GREM2: variants seen among roughly 807,000 people sequenced by gnomAD.
The protein encoded by GREM2 is gremlin-2.
A neutral mutation model predicts 14.2 loss-of-function variants in GREM2; 11 were observed. The observed-to-expected ratio is 0.78, with a 90% CI of 0.49 to 1.28. The LOEUF (loss-of-function observed/expected upper bound fraction) is 1.28. Among genes scored for constraint, GREM2 ranks in the 50% most tolerant of loss-of-function variants. GREM2 has a pLI of 0.00. For missense variants in GREM2, 210 were observed against 218.5 expected, an observed-to-expected ratio of 0.96 and a Z score of 0.24; for synonymous variants, 98 against 97.6, an observed-to-expected ratio of 1.00 and a Z score of -0.02.
At chr1:240,570,662 T>TA (rs1294542479) in intron 1 of GREM2, among the ~76,000 whole-genome samples, 1 of 152,222 alleles carries the variant, frequency 6.6e-6, no homozygotes, top group African/African-American at 2.4e-5. Context: ...AGGCGGTCTT[T>TA]AAAGTGAGAA....
rs896187967 is a variant in GREM2 at position 240,598,770 on chromosome 1, T to C, written c.-2+13114A>G. Among the ~76,000 whole-genome samples the C allele has an allele frequency of 2.0e-5, 3 of 152,214 alleles. No homozygotes were observed. In the South Asian group the frequency reaches 6.2e-4, roughly 31 times the overall value. The stretch of plus-strand genomic sequence containing the variant: ...CCTTAGGCATACTCTGCTTGATCTA[T>C]GCCCTGCACTGTGCTGCTTTCTCTT... On this transcript the variant is annotated intron_variant, in intron 1 of 1. Transcript: ENST00000318160.
intron 1 of GREM2, among the ~76,000 whole-genome samples, chr1:240,603,507 C>A (rs987206732): frequency 6.6e-6 from 1 of 152,086 alleles, no homozygotes; most frequent in African/African-American, 2.4e-5. Context: ...CATCTCCCAT[C>A]CATCTCCCAT....
intron 1 of GREM2, among the ~76,000 whole-genome samples, chr1:240,500,430 C>T (rs1465466659): frequency 2.0e-5 from 3 of 151,948 alleles, no homozygotes; most frequent in Non-Finnish European, 4.4e-5. Flanking sequence ...TCCCGAGTAA[C>T]TGGGACTACA....
chr1:240,507,440 C>T (rs1677703241), intron 1 of GREM2, among the ~76,000 whole-genome samples: 2 of 152,162 alleles, frequency 1.3e-5, no homozygotes, highest in Non-Finnish European at 2.9e-5. Context: ...AAGCGATTCT[C>T]CTGCCTCAGC....
intron 1 of GREM2, among the ~76,000 whole-genome samples, chr1:240,494,668 G>A (rs961849601): frequency 1.3e-5 from 2 of 152,010 alleles, no homozygotes; most frequent in African/African-American, 2.4e-5. Context: ...TTGGGAGGCC[G>A]AGGCAGGCGG....
rs539647917 is a variant in GREM2, at chr1:240,602,409, A to G, written c.-2+9475T>C. On this transcript the variant is annotated intron_variant, in intron 1 of 1. Coordinates refer to ENST00000318160, the MANE Select transcript of GREM2 (RefSeq NM_022469.4). ...AAATGGGGCCATTGGTTCTGTAACAATAGTGACCTCTACAGGGACATTTAT... is the reference window on the plus strand; with the variant it reads ...AAATGGGGCCATTGGTTCTGTAACAGTAGTGACCTCTACAGGGACATTTAT... Among the ~76,000 whole-genome samples, 18 of 152,328 alleles carry G rather than the reference A, an allele frequency of 1.2e-4. No homozygotes were observed. In the South Asian group the frequency reaches 3.7e-3, roughly 32 times the overall value.
intron 1 of GREM2, among the ~76,000 whole-genome samples, chr1:240,521,641 T>A (rs897568507): frequency 1.3e-5 from 2 of 151,976 alleles, no homozygotes; most frequent in African/African-American, 4.8e-5. Flanking sequence ...AATGGGGAAA[T>A]GGCAGGTGAA....
chr1:240,574,980 G>A (rs1347996236), intron 1 of GREM2, among the ~76,000 whole-genome samples: 2 of 151,930 alleles, frequency 1.3e-5, no homozygotes, highest in African/African-American at 2.4e-5. Flanking sequence ...GTTGGCGTGC[G>A]CCTGTACTCC....
chr1:240,538,498 T>C (rs1678522103), intron 1 of GREM2, among the ~76,000 whole-genome samples: 1 of 151,904 alleles, frequency 6.6e-6, no homozygotes, highest in Non-Finnish European at 1.5e-5. Context: ...GCTCAGGAGT[T>C]TGAGACCAGC....
rs577081718 is a variant in GREM2 at position 240,593,188 on chromosome 1, G to T, written c.-2+18696C>A. Among the ~76,000 whole-genome samples, 4 of 152,112 alleles carry T rather than the reference G, an allele frequency of 2.6e-5. No individual in the cohort carries two copies. In the East Asian group the frequency reaches 7.7e-4, roughly 29 times the overall value. ...AATAAAATAAAATAAAGTCTAGGTA[G>T]TCTTTAAGGCCCATCTCAAATGTCA... On this transcript the variant is annotated intron_variant, in intron 1 of 1. Transcript: ENST00000318160.
chr1:240,596,559 T>C (rs1221521934), intron 1 of GREM2, among the ~76,000 whole-genome samples: 1 of 152,070 alleles, frequency 6.6e-6, no homozygotes. Context: ...TAGCCGGTCA[T>C]AGTGACACAC....
Position 240,543,607 on chromosome 1 carries a change from AG to A in GREM2, c.-1-50132del, listed in dbSNP as rs1197593909. 6.6e-6 allele frequency among the ~76,000 whole-genome samples: 1 copy of A among 152,196 alleles called. No homozygotes were observed. Among genetic ancestry groups the A allele is most frequent in the Non-Finnish European group, 1.5e-5 (1 of 68,044 alleles). The stretch of plus-strand genomic sequence containing the variant: ...GGAGGGGACACAGCCAAACCATACC[AG>A]GTAAGGAGTCTAACAATTCCCACAA... On this transcript the variant is annotated intron_variant, in intron 1 of 1. Transcript: ENST00000318160. This position sits in a 1 kb window ranked among gnomAD's most constrained non-coding sequence, Gnocchi z 6.4.
chr1:240,610,371 C>T (rs1680109833), intron 1 of GREM2, among the ~76,000 whole-genome samples: 2 of 152,256 alleles, frequency 1.3e-5, no homozygotes, highest in African/African-American at 4.8e-5. Flanking sequence ...TACTTTGACA[C>T]GATTTCAAAA....
intron 1 of GREM2, among the ~76,000 whole-genome samples, chr1:240,551,308 C>T (rs941561905): frequency 3.3e-5 from 5 of 151,876 alleles, no homozygotes; most frequent in Admixed American, 6.6e-5. Flanking sequence ...GTGAAAACTA[C>T]GCATTTTCAG....
At chr1:240,494,160 A>G (rs1034662221) in intron 1 of GREM2, among the ~76,000 whole-genome samples, 3 of 152,272 alleles carry the variant, frequency 2.0e-5, no homozygotes, top group Admixed American at 6.5e-5. Flanking sequence ...CTGTCCTAAG[A>G]GTACATCTCA....
At chr1:240,493,528 A>T in intron 1 of GREM2, 52 bp from the exon 2 acceptor site, 1 of 1,471,804 alleles carries the variant, frequency 6.8e-7, no homozygotes, top group Non-Finnish European at 9.0e-7. Context: ...AGAGTACGGG[A>T]TCAATCTTAC....
At chr1:240,566,172 A>T (rs939752979) in intron 1 of GREM2, among the ~76,000 whole-genome samples, 3 of 152,186 alleles carry the variant, frequency 2.0e-5, no homozygotes, top group African/African-American at 7.2e-5. Context: ...AAGAAAATGT[A>T]GACTAGTTTT....
intron 1 of GREM2, among the ~76,000 whole-genome samples, chr1:240,582,566 C>G (rs1178406742): frequency 6.6e-6 from 1 of 152,102 alleles, no homozygotes; most frequent in East Asian, 1.9e-4. Flanking sequence ...GAGGCCGAGA[C>G]AGGTGGATCA....
intron 1 of GREM2, among the ~76,000 whole-genome samples, chr1:240,600,029 A>G (rs1679891899): frequency 6.6e-6 from 1 of 152,184 alleles, no homozygotes; most frequent in African/African-American, 2.4e-5. Context: ...TGTGTAATCT[A>G]TCTTGCAACA....
Sources: allele counts gnomAD v4.1 joint callset (sites outside exome capture counted in the v4.1 genomes callset), GRCh38; gene constraint gnomAD v4.1.1; non-coding constraint Gnocchi (gnomAD v3.1); transcripts MANE v1.5; gene names NCBI Gene and HGNC (gene_info 2026-07-23, HGNC 2026-07-21).